The following EIF2D variants were observed in gnomAD, a reference collection of about 807,000 sequenced individuals.
EIF2D encodes eukaryotic translation initiation factor 2D, also known as hepatocellular carcinoma-associated antigen 56.
EIF2D carries 56 observed loss-of-function variants against 77.4 expected under a neutral mutation model. The observed-to-expected ratio is 0.72, with a 90% CI of 0.58 to 0.90. The LOEUF (loss-of-function observed/expected upper bound fraction) is 0.90, where lower values mean the gene tolerates loss of function less well. Among genes scored for constraint, EIF2D ranks in the 40% least tolerant of loss-of-function variants. The probability of loss-of-function intolerance (pLI) is 0.00; values close to 1 mark genes in which losing one functional copy is unlikely to be tolerated. For synonymous variants in EIF2D, 230 were observed against 271.0 expected (o/e 0.85, Z 1.49); for missense variants, 574 against 706.5 (o/e 0.81, Z 2.13).
rs191883953 is a variant in EIF2D, at chr1:206,602,816, C to A, written c.784+135G>T. On this transcript the variant is annotated intron_variant, in intron 6 of 14. Transcript: ENST00000271764. Reference sequence around the variant, plus strand: ...AAGATGTGAAAGGGCTGCTGCGCCACCCTCACAGAAAATAAGGACCTTCCC... The same window carrying A: ...AAGATGTGAAAGGGCTGCTGCGCCAACCTCACAGAAAATAAGGACCTTCCC... 1,736 of 1,304,858 alleles carry A rather than the reference C, an allele frequency of 1.3e-3. 4 individuals are homozygous for A. Among genetic ancestry groups the A allele is most frequent in the Non-Finnish European group, 1.6e-3 (1,547 of 956,492 alleles). 80.8% of individuals were successfully genotyped at this position (1,304,858 alleles called of 1,614,324 possible). A position where few individuals can be genotyped will look rare whatever the true frequency, so the allele number is the denominator to read the frequency against.
intron 3 of EIF2D, among the ~76,000 whole-genome samples, chr1:206,608,969 T>C (rs1553413272): frequency 6.6e-6 from 1 of 152,042 alleles, no homozygotes. Flanking sequence ...GGAGAATCAC[T>C]TGAACCTGGG....
rs1006427097 is a variant in EIF2D at position 206,576,884 on chromosome 1, C to T, written c.*254+3808G>A. 3.9e-5 allele frequency among the ~76,000 whole-genome samples: 6 copies of T among 152,164 alleles called. No homozygotes were observed. The East Asian group carries it at 7.7e-4, about 20-fold the overall frequency. On this transcript the variant is annotated intron_variant and NMD_transcript_variant, in intron 4 of 5. Transcript: ENST00000472709. ...TGGCACAATCACGGCTCACTGCAGC[C>T]TTGAACTCCTGGGGGCTCAGGTCAT... is the stretch of plus-strand genomic sequence containing the variant.
chr1:206,598,243 G>T (rs1553410576), intron 11 of EIF2D, among the ~76,000 whole-genome samples: 1 of 151,984 alleles, frequency 6.6e-6, no homozygotes, highest in East Asian at 1.9e-4. Flanking sequence ...TCATCATGCT[G>T]CTCAGGTGGG....
intron 4 of EIF2D, among the ~76,000 whole-genome samples, chr1:206,573,050 T>C (rs1350553606): frequency 2.0e-5 from 3 of 152,350 alleles, no homozygotes; most frequent in South Asian, 2.1e-4. Flanking sequence ...ATGATGATAA[T>C]TTGGATGATG....
intron 2 of EIF2D, among the ~76,000 whole-genome samples, chr1:206,581,914 A>G (rs9429988): frequency 0.81 from 123,642 of 152,044 alleles, 50,487 homozygotes; most frequent in East Asian, 1. Context: ...CGGGGTGGTG[A>G]TGTGACGTCG....
At position 206,584,897 on chromosome 1, in the gene EIF2D, C is replaced by T. The variant is rs1334318199; in HGVS notation, c.139-3735G>A. ...GCATGTGACTTCAGGAAAACCACAC[C>T]CTAGGCTCCCATTTCCTGATCTGTG... On this transcript the variant is annotated intron_variant and NMD_transcript_variant, in intron 2 of 5. Coordinates refer to the EIF2D transcript ENST00000472709. The surrounding 1 kb of genome is among the most constrained non-coding windows in gnomAD (Gnocchi z 4.9). 10 of 605,242 alleles carry T rather than the reference C, an allele frequency of 1.7e-5. No individual in the cohort carries two copies. Among genetic ancestry groups the T allele is most frequent in the Non-Finnish European group, 2.6e-5 (9 of 343,124 alleles). 37.5% of individuals were successfully genotyped at this position (605,242 alleles called of 1,614,324 possible).
rs1403053802 is a variant in EIF2D, at chr1:206,612,435, G to A, written c.-93C>T. On this transcript the variant is annotated 5_prime_UTR_variant, in exon 1 of 15. Transcript: ENST00000271764. ...AGCTGCCAGGCCCTCAGCCGTGGGG[G>A]CAGCCATGCTGGGGCCCGGCCGCGA... 3.2e-6 allele frequency: 5 copies of A among 1,544,588 alleles called. No homozygotes were observed. The South Asian group carries it at 4.5e-5, about 14-fold the overall frequency.
chr1:206,610,988 A>G (rs1409305319), intron 2 of EIF2D, among the ~76,000 whole-genome samples, 196 bp downstream of exon 2: 2 of 152,032 alleles, frequency 1.3e-5, no homozygotes, highest in Non-Finnish European at 2.9e-5. Flanking sequence ...GTGGTTTTGC[A>G]TAAGAGAAAA....
In EIF2D at chr1:206,605,469, G is replaced by A; in HGVS notation, c.461C>T (p.Ala154Val). The change falls in exon 5 of 15, where the codon GCT (alanine) becomes GTT (valine). Residue 154 changes from alanine (A) to valine (V), a missense_variant. Ala to Val is a moderately conservative substitution (Grantham distance 64, BLOSUM62 0). Coordinates refer to ENST00000271764, the MANE Select transcript of EIF2D (RefSeq NM_006893.3). ...CTTCAGGCCTGACGTGAGCATCTCA[G>A]CTGTGGACATGGCTGCAACTCCAAT... is the stretch of plus-strand genomic sequence containing the variant. ...VAIGVAAMST[A>V]EMLTSGLKGR... is the part of the protein sequence containing the mutation. The A allele has an allele frequency of 6.2e-7, 1 of 1,614,154 alleles. No individual in the cohort carries two copies. The highest frequency in any genetic ancestry group is 8.5e-7 in the Non-Finnish European group (1 of 1,180,020).
At chr1:206,612,212 C>T (rs1423393163) in intron 1 of EIF2D, 75 bp downstream of exon 1, 1 of 1,598,208 alleles carries the variant, frequency 6.3e-7, no homozygotes, top group Non-Finnish European at 8.6e-7. Flanking sequence ...CCAAGAATAG[C>T]GAGGGCTATG....
rs781961366 is a variant in EIF2D, at chr1:206,599,705, G to T, written c.1052+28C>A. 1 of 1,613,874 alleles carries T rather than the reference G, an allele frequency of 6.2e-7. No homozygotes were observed. The highest frequency in any genetic ancestry group is 8.5e-7 in the Non-Finnish European group (1 of 1,179,796). ...GCCCAGGTGCCCTGGGGCCAGCTGG[G>T]CTACAGTGACAGGCCCCCTGCACTC... On this transcript the variant is annotated intron_variant, in intron 9 of 14. Transcript: ENST00000271764. This position sits in a 1 kb window ranked among gnomAD's most constrained non-coding sequence, Gnocchi z 4.1.
At position 206,602,433 on chromosome 1, in the gene EIF2D, G is replaced by A. The variant is rs782508989; in HGVS notation, c.805C>T (p.Gln269Ter). The A allele has an allele frequency of 1.2e-6, 2 of 1,613,990 alleles. No individual in the cohort carries two copies. Among genetic ancestry groups the A allele is most frequent in the Non-Finnish European group, 8.5e-7 (1 of 1,179,910 alleles). ...TLQEQMDELL[Q>*]QCFLHALKCR... Reference sequence around the variant, plus strand: ...TTCAAGGCATGTAAGAAGCATTGCTGTAACAGCTCATCCATTTGTTCTGCA... The same window carrying A: ...TTCAAGGCATGTAAGAAGCATTGCTATAACAGCTCATCCATTTGTTCTGCA... Residue 269 changes from glutamine (Q) to a stop codon, truncating the protein, a stop_gained, in exon 7 of 15, where the codon CAG becomes TAG. Coordinates refer to ENST00000271764, the MANE Select transcript of EIF2D (RefSeq NM_006893.3). LOFTEE classifies it high-confidence loss of function.
At chr1:206,571,054 T>C (rs1668434803), downstream of EIF2D, among the ~76,000 whole-genome samples, 1 of 152,232 alleles carries the variant, frequency 6.6e-6, no homozygotes, top group Non-Finnish European at 1.5e-5. Context: ...CCACCAGCAA[T>C]GCACAGGGCT....
chr1:206,576,721 G>A (rs978916248), intron 4 of EIF2D, among the ~76,000 whole-genome samples: 1 of 152,172 alleles, frequency 6.6e-6, no homozygotes, highest in Admixed American at 6.5e-5. Context: ...GTGGAACTAG[G>A]GCTAATAGTG....
exon 6 of EIF2D, chr1:206,571,457 C>G (rs1668447057): frequency 6.6e-6 from 1 of 152,096 alleles, no homozygotes; most frequent in South Asian, 2.1e-4. Flanking sequence ...CACCGTCCAT[C>G]CTTAATTAAC....
Position 206,579,224 on chromosome 1 carries a change from G to A in EIF2D, c.*254+1468C>T, listed in dbSNP as rs1276718761. Among the ~76,000 whole-genome samples the A allele has an allele frequency of 6.6e-6, 1 of 152,216 alleles. No homozygotes were observed. The highest frequency in any genetic ancestry group is 1.9e-4 in the East Asian group (1 of 5,200). ...CAGCCATCTGCCACCAATGCCAGGGGCTTAATCGGAATAGATGAATTCCAT... is the reference window on the plus strand; with the variant it reads ...CAGCCATCTGCCACCAATGCCAGGGACTTAATCGGAATAGATGAATTCCAT... On this transcript the variant is annotated intron_variant and NMD_transcript_variant, in intron 4 of 5. Transcript: ENST00000472709. The surrounding 1 kb of genome is among the most constrained non-coding windows in gnomAD (Gnocchi z 4.2).
At chr1:206,590,189 G>A (rs1669298156), downstream of EIF2D, among the ~76,000 whole-genome samples, 1 of 152,156 alleles carries the variant, frequency 6.6e-6, no homozygotes, top group Non-Finnish European at 1.5e-5. Flanking sequence ...ATGACTCAAT[G>A]CAAATGTGTC....
chr1:206,591,860 GCA>G lies in EIF2D; in HGVS notation c.1685-17_1685-16del. On this transcript the variant is annotated splice_polypyrimidine_tract_variant and intron_variant, in intron 14 of 14. Transcript: ENST00000271764. ...CTGATACTCTTCTACAATCCAAAAA[GCA>G]CACACTCCTCAGCGGAGCATGACCT... 1 of 1,613,974 alleles carries G rather than the reference GCA, an allele frequency of 6.2e-7. No individual in the cohort carries two copies. Among genetic ancestry groups the G allele is most frequent in the Non-Finnish European group, 8.5e-7 (1 of 1,179,906 alleles).
Position 206,586,613 on chromosome 1 carries a change from T to C in EIF2D, c.139-5451A>G, listed in dbSNP as rs922611999. 2.8e-5 allele frequency: 15 copies of C among 540,726 alleles called. No homozygotes were observed. In the South Asian group the frequency reaches 2.8e-4, roughly 10 times the overall value. 33.5% of individuals were successfully genotyped at this position (540,726 alleles called of 1,614,324 possible). A position where few individuals can be genotyped will look rare whatever the true frequency, so the allele number is the denominator to read the frequency against. ...ACATGGTTCATAGACTGGCAACTCT[T>C]GGTCATGAGATGCCAGCATTTGGAA... On this transcript the variant is annotated intron_variant and NMD_transcript_variant, in intron 2 of 5. Coordinates refer to the EIF2D transcript ENST00000472709.
Sources: allele counts gnomAD v4.1 joint callset (sites outside exome capture counted in the v4.1 genomes callset), GRCh38; gene constraint gnomAD v4.1.1; non-coding constraint Gnocchi (gnomAD v3.1); transcripts MANE v1.5; gene names NCBI Gene and HGNC (gene_info 2026-07-23, HGNC 2026-07-21).